The following TRDMT1 variants were observed in gnomAD, a reference collection of about 807,000 sequenced individuals.
TRDMT1 encodes tRNA aspartic acid methyltransferase 1, also known as tRNA (cytosine(38)-C(5))-methyltransferase.
Under a neutral mutation model 51.2 loss-of-function variants are expected in TRDMT1, and 49 were observed. That is an observed-to-expected ratio of 0.96 (90% CI 0.76 to 1.21). The LOEUF (loss-of-function observed/expected upper bound fraction) is 1.21, where lower values mean the gene tolerates loss of function less well. Ranked by LOEUF, TRDMT1 falls within the 50% of genes most tolerant of loss-of-function variation. The pLI, the probability that TRDMT1 is intolerant of heterozygous loss-of-function variation, is 0.00. For missense variants in TRDMT1, 534 were observed against 462.3 expected (o/e 1.16, Z -1.42); for synonymous variants, 187 against 164.6 (o/e 1.14, Z -1.04).
intron 1 of TRDMT1, among the ~76,000 whole-genome samples, chr10:17,185,017 T>G (rs997959182): frequency 1.3e-5 from 2 of 152,194 alleles, no homozygotes; most frequent in African/African-American, 4.8e-5. Context: ...TAGGCAAGTT[T>G]CTTTGTGTCT....
At chr10:17,195,311 G>T (rs1013480993) in intron 1 of TRDMT1, among the ~76,000 whole-genome samples, 1 of 152,184 alleles carries the variant, frequency 6.6e-6, no homozygotes, top group African/African-American at 2.4e-5. Flanking sequence ...TAGCAACATG[G>T]ATGCATCTGG....
At chr10:17,176,559 T>C (rs533731841) in intron 1 of TRDMT1, among the ~76,000 whole-genome samples, 1 of 152,328 alleles carries the variant, frequency 6.6e-6, no homozygotes, top group East Asian at 1.9e-4. Context: ...TTTGCATGGA[T>C]TGATGCACAT....
chr10:17,155,344 T>A (rs1348921410), intron 8 of TRDMT1, among the ~76,000 whole-genome samples: 5 of 152,252 alleles, frequency 3.3e-5, no homozygotes. Context: ...TCTTGAATGT[T>A]CATCACTGGA....
intron 1 of TRDMT1, among the ~76,000 whole-genome samples, chr10:17,190,592 T>C (rs757580278): frequency 3.3e-5 from 5 of 152,208 alleles, no homozygotes; most frequent in Non-Finnish European, 4.4e-5. Context: ...ACAAAAATGT[T>C]TTATCATGTA....
intron 8 of TRDMT1, among the ~76,000 whole-genome samples, chr10:17,157,076 T>C (rs1839616525): frequency 6.6e-6 from 1 of 152,222 alleles, no homozygotes; most frequent in East Asian, 1.9e-4. Context: ...TAATTTCTTA[T>C]TATACATTGA....
At chr10:17,197,077 T>G (rs1475063019) in intron 1 of TRDMT1, among the ~76,000 whole-genome samples, 1 of 152,156 alleles carries the variant, frequency 6.6e-6, no homozygotes. Flanking sequence ...CTAACCTGTT[T>G]GTTGGGTGTC....
intron 1 of TRDMT1, among the ~76,000 whole-genome samples, chr10:17,193,574 T>C (rs760104765): frequency 2.6e-5 from 4 of 151,844 alleles, no homozygotes; most frequent in Non-Finnish European, 5.9e-5. Context: ...AAAAAACATA[T>C]AAAAATACCT....
chr10:17,165,467 T>G (rs1841057577), intron 3 of TRDMT1, among the ~76,000 whole-genome samples: 1 of 152,208 alleles, frequency 6.6e-6, no homozygotes, highest in South Asian at 2.1e-4. Flanking sequence ...GGGCAAGGAC[T>G]TTATGTCTAA....
In TRDMT1 at chr10:17,144,968, C is replaced by G; in HGVS notation, c.*4072G>C. ...TTTTTAAAAAACATGCAAAGGGAGG[C>G]TGGGCGTGGTGGCTCATGCCTGTAA... On this transcript the variant is annotated 3_prime_UTR_variant, in exon 11 of 11. Coordinates refer to ENST00000377799, the MANE Select transcript of TRDMT1 (RefSeq NM_004412.7). 2 of 985,346 alleles carry G rather than the reference C, an allele frequency of 2.0e-6. No homozygotes were observed. The highest frequency in any genetic ancestry group is 2.4e-6 in the Non-Finnish European group (2 of 829,934). The allele number at this position is 985,346 out of a possible 1,614,324, so 61.0% of individuals were successfully genotyped here. A position where few individuals can be genotyped will look rare whatever the true frequency, so the allele number is the denominator to read the frequency against.
At chr10:17,195,020 A>C (rs886544817) in intron 1 of TRDMT1, among the ~76,000 whole-genome samples, 5 of 151,730 alleles carry the variant, frequency 3.3e-5, no homozygotes, top group African/African-American at 1.2e-4. Context: ...TGTTGATGGG[A>C]ATGTAAATAA....
Position 17,157,475 on chromosome 10 carries a change from G to A in TRDMT1, c.853C>T (p.Pro285Ser). The A allele has an allele frequency of 4.3e-6, 7 of 1,612,658 alleles. No homozygotes were observed. Among genetic ancestry groups the A allele is most frequent in the Non-Finnish European group, 5.9e-6 (7 of 1,178,754 alleles). Reference protein sequence around the residue: ...RYALLLDIVQPTCRRSVCFTK... With the variant: ...RYALLLDIVQSTCRRSVCFTK... ...AAGCACACGGACCTTCTACAAGTGG[G>A]CTGAACAATGTCTAACAGAAGAGCA... The change falls in exon 8 of 11, where the codon CCC becomes TCC. Residue 285 changes from proline to serine, a missense_variant. Transcript: ENST00000377799.
At chr10:17,162,116 C>A (rs767130873) in intron 4 of TRDMT1, 50 bp downstream of exon 4, 4 of 1,491,614 alleles carry the variant, frequency 2.7e-6, no homozygotes, top group Non-Finnish European at 2.8e-6. Flanking sequence ...TTCTTCCAGA[C>A]CTGGAGTTTC....
chr10:17,180,575 G>A (rs920075619), intron 1 of TRDMT1, among the ~76,000 whole-genome samples: 1 of 151,088 alleles, frequency 6.6e-6, no homozygotes, highest in Non-Finnish European at 1.5e-5. Flanking sequence ...TCCATATTCG[G>A]TACAGAGAAA....
Position 17,153,559 on chromosome 10 carries a change from T to A in TRDMT1, c.1023A>T (p.Arg341=), listed in dbSNP as rs770692226. 1.2e-6 allele frequency: 2 copies of A among 1,613,940 alleles called. No homozygotes were observed. Among genetic ancestry groups the A allele is most frequent in the South Asian group, 1.1e-5 (1 of 91,038 alleles). ...TTGCTATTTCTTTAGGAGTGAAATATCGCAGTTTAAGTATTAACAGCTTTG... is the reference window on the plus strand; with the variant it reads ...TTGCTATTTCTTTAGGAGTGAAATAACGCAGTTTAAGTATTAACAGCTTTG... ...QITKLLILKL[R]YFTPKEIANL... The change falls in exon 10 of 11, where the codon CGA becomes CGT. Residue 341 remains arginine, a synonymous_variant. Transcript: ENST00000377799.
Position 17,153,614 on chromosome 10 carries a change from A to G in TRDMT1, c.968T>C (p.Leu323Pro). The G allele has an allele frequency of 6.3e-7, 1 of 1,591,198 alleles. No homozygotes were observed. ...DVQVENIYKS[L>P]TNLSQEEQIT... ...CTGTTCTTCTTGTGACAAATTGGTA[A>G]GGGATTTGTAGATATTCTCAACCTG... The change falls in exon 10 of 11, where the codon CTT (leucine) becomes CCT (proline). Residue 323 changes from leucine (L) to proline (P), a missense_variant. Coordinates refer to ENST00000377799, the MANE Select transcript of TRDMT1 (RefSeq NM_004412.7).
At chr10:17,173,368 G>A (rs1390602543) in intron 2 of TRDMT1, among the ~76,000 whole-genome samples, 3 of 151,992 alleles carry the variant, frequency 2.0e-5, no homozygotes, top group African/African-American at 7.2e-5. Context: ...ATAAAAAAGA[G>A]CAAATTATTG....
rs182362152 is a variant in TRDMT1, at chr10:17,142,415, G to C, written c.*6625C>G. On this transcript the variant is annotated 3_prime_UTR_variant, in exon 11 of 11. Transcript: ENST00000377799. ...TTTATCTGGTGCTGCTGGGGTTCCCGAATGGTCCTTCATGATGCTACTTTA... is the reference window on the plus strand; with the variant it reads ...TTTATCTGGTGCTGCTGGGGTTCCCCAATGGTCCTTCATGATGCTACTTTA... 1 of 152,256 alleles carries C rather than the reference G, an allele frequency of 6.6e-6. No individual in the cohort carries two copies. The highest frequency in any genetic ancestry group is 2.1e-4 in the South Asian group (1 of 4,824). The allele number at this position is 152,256 out of a possible 1,614,324, so 9.4% of individuals were successfully genotyped here.
intron 3 of TRDMT1, among the ~76,000 whole-genome samples, chr10:17,163,343 AG>A (rs1263178185): frequency 1.3e-5 from 2 of 152,134 alleles, no homozygotes; most frequent in Non-Finnish European, 2.9e-5. Context: ...CCTGAGCAGC[AG>A]GAACAGAGGA....
chr10:17,166,416 T>A lies in TRDMT1; in HGVS notation c.251+2425A>T, dbSNP rs942508075. Among the ~76,000 whole-genome samples, 4 of 151,624 alleles carry A rather than the reference T, an allele frequency of 2.6e-5. No homozygotes were observed. In the South Asian group the frequency reaches 6.3e-4, roughly 24 times the overall value. Reference sequence around the variant, plus strand: ...GGATAGCATTAGGAGATATACCTAATGTAAATGATGAGTTAATGGGTGCAG... The same window carrying A: ...GGATAGCATTAGGAGATATACCTAAAGTAAATGATGAGTTAATGGGTGCAG... On this transcript the variant is annotated intron_variant, in intron 3 of 10. Transcript: ENST00000377799.
Sources: gnomAD v4.1 joint callset for allele counts (sites outside exome capture counted in the v4.1 genomes callset) on GRCh38, gnomAD v4.1.1 for gene constraint, MANE v1.5 for transcripts, NCBI Gene and HGNC (gene_info 2026-07-23, HGNC 2026-07-21) for gene names.